Variants in PTPN14 observed in about 807,000 individuals in gnomAD.
PTPN14 encodes the protein protein tyrosine phosphatase non-receptor type 14.
A neutral mutation model predicts 126.8 loss-of-function variants in PTPN14; 53 were observed. The ratio of observed to expected loss-of-function variants is 0.42; its 90% CI spans 0.34 to 0.53. The LOEUF is 0.53. Ranked by LOEUF, PTPN14 falls within the 20% of genes least tolerant of loss-of-function variation. The pLI is 0.08. For synonymous variants in PTPN14, 630 were observed against 599.3 expected (o/e 1.05, Z -0.75); for missense variants, 1,257 against 1,552.9 (o/e 0.81, Z 3.20).
intron 3 of PTPN14, among the ~76,000 whole-genome samples, chr1:214,442,828 T>C (rs1441701686): frequency 6.6e-6 from 1 of 152,062 alleles, no homozygotes; most frequent in African/African-American, 2.4e-5. Flanking sequence ...TTCTTTTTTT[T>C]TTTTTTCTCT....
At chr1:214,492,192 A>G (rs1353304504) in intron 1 of PTPN14, among the ~76,000 whole-genome samples, 2 of 152,188 alleles carry the variant, frequency 1.3e-5, no homozygotes, top group Non-Finnish European at 2.9e-5. Context: ...TTAAAAAAAA[A>G]AAGAAAAAGA....
chr1:214,444,358 C>T (rs1304614931), intron 3 of PTPN14, among the ~76,000 whole-genome samples: 2 of 152,146 alleles, frequency 1.3e-5, no homozygotes, highest in African/African-American at 2.4e-5. Context: ...GGAGAATTTG[C>T]TATTCTCAGC....
chr1:214,449,842 A>G (rs1660232320), intron 3 of PTPN14, among the ~76,000 whole-genome samples: 1 of 120,764 alleles, frequency 8.3e-6, no homozygotes, highest in South Asian at 2.9e-4. Context: ...TTTAAAAATA[A>G]AAATAAAAAA....
intron 17 of PTPN14, among the ~76,000 whole-genome samples, chr1:214,365,871 AAAAG>A (rs1025420128): frequency 2.5e-4 from 38 of 150,318 alleles, no homozygotes; most frequent in African/African-American, 9.3e-4. Flanking sequence ...GACAAAATAA[AAAAG>A]AAAGAAGGGC....
intron 2 of PTPN14, among the ~76,000 whole-genome samples, chr1:214,453,712 C>G (rs1233097273): frequency 6.6e-6 from 1 of 152,164 alleles, no homozygotes; most frequent in Non-Finnish European, 1.5e-5. Flanking sequence ...TTCATCAGCA[C>G]TACTGACATC....
intron 3 of PTPN14, among the ~76,000 whole-genome samples, chr1:214,441,622 A>G (rs1660038185): frequency 6.6e-6 from 1 of 152,156 alleles, no homozygotes; most frequent in African/African-American, 2.4e-5. Context: ...ACCATTCTCA[A>G]TCCCACCCAT....
At chr1:214,386,292 C>T (rs995990896) in intron 12 of PTPN14, among the ~76,000 whole-genome samples, 1 of 152,058 alleles carries the variant, frequency 6.6e-6, no homozygotes. Flanking sequence ...GCAGAAGAAG[C>T]TTTTTCACAC....
chr1:214,424,063 T>C (rs575761924), intron 3 of PTPN14, among the ~76,000 whole-genome samples: 1 of 151,176 alleles, frequency 6.6e-6, no homozygotes, highest in Admixed American at 6.6e-5. Flanking sequence ...TTTGGGAGCC[T>C]GAGGCAAGTG....
chr1:214,538,977 T>C (rs57111405), intron 1 of PTPN14, among the ~76,000 whole-genome samples: 6 of 152,188 alleles, frequency 3.9e-5, no homozygotes, highest in African/African-American at 7.2e-5. Context: ...TCTTGAAAAT[T>C]GATTTTGTGA....
chr1:214,405,953 G>A (rs1659160161), intron 5 of PTPN14, among the ~76,000 whole-genome samples: 1 of 152,082 alleles, frequency 6.6e-6, no homozygotes, highest in African/African-American at 2.4e-5. Context: ...CCTAGCAAAG[G>A]TGCCACGAGA....
intron 3 of PTPN14, among the ~76,000 whole-genome samples, chr1:214,421,510 G>A (rs1659543581): frequency 6.6e-6 from 1 of 151,970 alleles, no homozygotes; most frequent in African/African-American, 2.4e-5. Context: ...TGGTTAAAAT[G>A]ATGGATTTAC....
At chr1:214,470,190 G>C (rs151067423) in intron 1 of PTPN14, among the ~76,000 whole-genome samples, 2,166 of 152,228 alleles carry the variant, frequency 0.014, 53 homozygotes, top group African/African-American at 0.049. Flanking sequence ...TTGGGAGGCT[G>C]AGGCAGGAGG....
At chr1:214,534,951 A>G (rs973585649) in intron 1 of PTPN14, among the ~76,000 whole-genome samples, 1 of 152,150 alleles carries the variant, frequency 6.6e-6, no homozygotes, top group South Asian at 2.1e-4. Context: ...ATGACGTTAC[A>G]TGCTTCTCAT....
intron 3 of PTPN14, among the ~76,000 whole-genome samples, chr1:214,426,191 A>C (rs1409394805): frequency 6.6e-6 from 1 of 152,162 alleles, no homozygotes; most frequent in East Asian, 1.9e-4. Context: ...AGCTGAAGAC[A>C]TCAAATGTGG....
At chr1:214,445,223 C>A (rs1005031787) in intron 3 of PTPN14, among the ~76,000 whole-genome samples, 6 of 152,112 alleles carry the variant, frequency 3.9e-5, no homozygotes, top group African/African-American at 1.4e-4. Context: ...TGAGAAGCAC[C>A]GAAAACAGAC....
intron 3 of PTPN14, among the ~76,000 whole-genome samples, chr1:214,416,040 G>C (rs1659419139): frequency 6.6e-6 from 1 of 152,138 alleles, no homozygotes; most frequent in Non-Finnish European, 1.5e-5. Flanking sequence ...TCATCTTTCT[G>C]GAGTGGTTTT....
At chr1:214,455,843 T>C (rs1660369640) in intron 2 of PTPN14, among the ~76,000 whole-genome samples, 1 of 152,200 alleles carries the variant, frequency 6.6e-6, no homozygotes, top group African/African-American at 2.4e-5. Context: ...AATGTCCATC[T>C]TTTGGTATTA....
chr1:214,423,852 A>T (rs1659598766), intron 3 of PTPN14, among the ~76,000 whole-genome samples: 1 of 152,082 alleles, frequency 6.6e-6, no homozygotes, highest in Admixed American at 6.5e-5. Context: ...ATGGTGGCTC[A>T]CGCCTGTAAT....
intron 11 of PTPN14, among the ~76,000 whole-genome samples, chr1:214,389,879 G>A (rs910361337): frequency 2.6e-5 from 4 of 152,192 alleles, no homozygotes; most frequent in East Asian, 1.9e-4. Flanking sequence ...AAAGCCCAAC[G>A]TATCTGTTAC....
Sources: allele counts gnomAD v4.1 joint callset (sites outside exome capture counted in the v4.1 genomes callset), GRCh38; gene constraint gnomAD v4.1.1; transcripts MANE v1.5; gene names NCBI Gene and HGNC (gene_info 2026-07-23, HGNC 2026-07-21).